Variants in ATG10 observed in about 807,000 individuals in gnomAD.
ATG10 encodes the protein ubiquitin-like-conjugating enzyme ATG10.
Under a neutral mutation model 32.1 loss-of-function variants are expected in ATG10, and 30 were observed. The ratio of observed to expected loss-of-function variants is 0.94; its 90% CI spans 0.70 to 1.27. ATG10 has a LOEUF of 1.27. Ranked by LOEUF, ATG10 falls within the 50% of genes most tolerant of loss-of-function variation. The pLI is 0.00. For synonymous variants in ATG10, 87 were observed against 91.5 expected (o/e 0.95, Z 0.28); for missense variants, 233 against 262.3 (o/e 0.89, Z 0.77).
chr5:82,006,895 C>T (rs1452259026), intron 2 of ATG10, among the ~76,000 whole-genome samples: 3 of 152,116 alleles, frequency 2.0e-5, no homozygotes, highest in Non-Finnish European at 1.5e-5. Flanking sequence ...CGCTCTGTCA[C>T]CAGGCTGGAA....
chr5:82,120,882 C>T (rs1019196611), intron 3 of ATG10, among the ~76,000 whole-genome samples: 7 of 151,942 alleles, frequency 4.6e-5, no homozygotes, highest in East Asian at 1.9e-4. Context: ...GATGTTTACC[C>T]GTTTAGATTT....
At chr5:81,988,641 C>T (rs1041123707) in intron 2 of ATG10, among the ~76,000 whole-genome samples, 9 of 152,074 alleles carry the variant, frequency 5.9e-5, no homozygotes, top group African/African-American at 2.2e-4. Context: ...ACCATGTTGG[C>T]CTGGCTGGTC....
At chr5:82,091,726 A>C (rs769656251) in intron 3 of ATG10, among the ~76,000 whole-genome samples, 31 of 152,042 alleles carry the variant, frequency 2.0e-4, no homozygotes, top group South Asian at 2.1e-4. Context: ...TATTTTTACA[A>C]TGTGGAAAAA....
At chr5:82,028,973 A>T (rs1161479468) in intron 2 of ATG10, among the ~76,000 whole-genome samples, 2 of 152,236 alleles carry the variant, frequency 1.3e-5, no homozygotes, top group African/African-American at 4.8e-5. Context: ...ATAGAAAAGA[A>T]TAATTATTAA....
intron 3 of ATG10, among the ~76,000 whole-genome samples, chr5:82,103,831 T>C (rs923300315): frequency 1.3e-5 from 2 of 152,152 alleles, no homozygotes; most frequent in African/African-American, 4.8e-5. Context: ...AACAGGACTT[T>C]ACCAGCACTC....
chr5:81,987,417 G>T, intron 1 of ATG10, 142 bp from the exon 2 acceptor site: 2 of 570,704 alleles, frequency 3.5e-6, no homozygotes, highest in Non-Finnish European at 3.1e-6. Context: ...GAGCCACCAC[G>T]CCTGGCCAAA....
chr5:82,250,260 A>T (rs148343384), intron 5 of ATG10, among the ~76,000 whole-genome samples: 1 of 151,974 alleles, frequency 6.6e-6, no homozygotes, highest in Non-Finnish European at 1.5e-5. Flanking sequence ...TCTGTTCCCA[A>T]ATCTCTGCAT....
intron 3 of ATG10, among the ~76,000 whole-genome samples, chr5:82,154,523 T>C (rs1024757473): frequency 5.9e-5 from 9 of 152,208 alleles, no homozygotes; most frequent in African/African-American, 1.9e-4. Context: ...AGGGGTCAAA[T>C]GACCTGTCCA....
At chr5:82,138,521 C>T (rs1229390738) in intron 3 of ATG10, among the ~76,000 whole-genome samples, 11 of 152,068 alleles carry the variant, frequency 7.2e-5, no homozygotes, top group Admixed American at 5.2e-4. Flanking sequence ...CAGGTGATGC[C>T]TTACCCTGCC....
rs374062070 is a variant in ATG10, at chr5:81,997,640, A to G, written c.108+9962A>G. ...CAATTTAAGGATTCTTAGAAACACA[A>G]TAAAATAATACAGGAGGTGATAGAA... On this transcript the variant is annotated intron_variant, in intron 2 of 7. Transcript: ENST00000282185. Among the ~76,000 whole-genome samples, 23 of 152,324 alleles carry G rather than the reference A, an allele frequency of 1.5e-4. No homozygotes were observed. In the East Asian group the frequency reaches 4.4e-3, roughly 29 times the overall value.
chr5:81,993,324 T>TTTCC lies in ATG10; in HGVS notation c.108+5658_108+5661dup, dbSNP rs1482074846. 1.2e-3 allele frequency among the ~76,000 whole-genome samples: 128 copies of TTTCC among 103,270 alleles called. 4 individuals carry two copies. Among genetic ancestry groups the TTTCC allele is most frequent in the African/African-American group, 4.9e-3 (118 of 23,884 alleles). The allele number at this position is 103,270 out of a possible 152,430, so 67.7% of individuals were successfully genotyped here. On this transcript the variant is annotated intron_variant, in intron 2 of 7. Coordinates refer to ENST00000282185, the MANE Select transcript of ATG10 (RefSeq NM_031482.5). ...TTCCTTTCTTTCCTTTCTTTCTTTC[T>TTTCC]TTCCTTCCTTCCTTCTTTCTTTCTT...
chr5:82,133,313 T>C (rs1766614958), intron 3 of ATG10, among the ~76,000 whole-genome samples: 1 of 152,158 alleles, frequency 6.6e-6, no homozygotes, highest in Non-Finnish European at 1.5e-5. Context: ...TCTTTGCCCA[T>C]GCCTATGTCC....
At chr5:82,064,808 A>G (rs541226014) in intron 3 of ATG10, among the ~76,000 whole-genome samples, 1 of 152,306 alleles carries the variant, frequency 6.6e-6, no homozygotes, top group Admixed American at 6.5e-5. Context: ...TATTATAATA[A>G]AGACAGCAGC....
At chr5:82,005,439 C>T (rs1761965246) in intron 2 of ATG10, among the ~76,000 whole-genome samples, 1 of 152,088 alleles carries the variant, frequency 6.6e-6, no homozygotes, top group Non-Finnish European at 1.5e-5. Context: ...GGATTACAGG[C>T]ATCCACCACC....
rs552421844 is a variant in ATG10 at position 82,028,655 on chromosome 5, C to T, written c.109-29840C>T. The stretch of plus-strand genomic sequence containing the variant: ...TTTCAGTTTTATGTATACAACTTTG[C>T]ACTGTTTCATACTAAAGTGCAGTAG... On this transcript the variant is annotated intron_variant, in intron 2 of 7. Coordinates refer to ENST00000282185, the MANE Select transcript of ATG10 (RefSeq NM_031482.5). Among the ~76,000 whole-genome samples, 175 of 152,256 alleles carry T rather than the reference C, an allele frequency of 1.1e-3. 2 individuals are homozygous for T. The highest frequency in any genetic ancestry group is 2.3e-3 in the Admixed American group (35 of 15,294).
At chr5:82,137,337 A>G (rs991845771) in intron 3 of ATG10, among the ~76,000 whole-genome samples, 2 of 152,052 alleles carry the variant, frequency 1.3e-5, no homozygotes, top group African/African-American at 4.8e-5. Context: ...GTTTTTCCTC[A>G]TGTTCGTGGA....
At chr5:81,987,527 G>A (rs761363693) in intron 1 of ATG10, 32 bp from the exon 2 acceptor site, 1 of 1,397,828 alleles carries the variant, frequency 7.2e-7, no homozygotes, top group South Asian at 1.3e-5. Flanking sequence ...TAATTCTAAA[G>A]TTGATGCTAA....
intron 5 of ATG10, among the ~76,000 whole-genome samples, chr5:82,216,829 G>A (rs576067066): frequency 6.6e-6 from 1 of 152,216 alleles, no homozygotes; most frequent in East Asian, 1.9e-4. Context: ...GGCCGAGGTG[G>A]GTGGATCATG....
At chr5:82,041,199 C>T (rs147316397) in intron 2 of ATG10, among the ~76,000 whole-genome samples, 6 of 152,130 alleles carry the variant, frequency 3.9e-5, no homozygotes, top group East Asian at 1.9e-4. Context: ...ATGTTCTGTT[C>T]GTGTTGTTTT....
Sources: allele counts gnomAD v4.1 joint callset (sites outside exome capture counted in the v4.1 genomes callset), GRCh38; gene constraint gnomAD v4.1.1; transcripts MANE v1.5; gene names NCBI Gene and HGNC (gene_info 2026-07-23, HGNC 2026-07-21).